The following CTSB variants were observed in gnomAD, a reference collection of about 807,000 sequenced individuals.
CTSB encodes the protein cathepsin B.
Under a neutral mutation model 44.3 loss-of-function variants are expected in CTSB, and 57 were observed. The ratio of observed to expected loss-of-function variants is 1.29; its 90% CI spans 1.04 to 1.60. The LOEUF (loss-of-function observed/expected upper bound fraction) is 1.60. CTSB is among the 40% of genes most tolerant of loss of function. The pLI, the probability that CTSB is intolerant of heterozygous loss-of-function variation, is 0.00. For synonymous variants in CTSB, 320 were observed against 168.0 expected, an observed-to-expected ratio of 1.91 and a Z score of -7.00; for missense variants, 768 against 443.0, an observed-to-expected ratio of 1.73 and a Z score of -6.59.
At chr8:11,855,246 G>A (rs1357284665) in intron 1 of CTSB, among the ~76,000 whole-genome samples, 4 of 152,148 alleles carry the variant, frequency 2.6e-5, no homozygotes, top group African/African-American at 4.8e-5. Context: ...GGTCTCGAAC[G>A]CCTGACCTCG....
intron 8 of CTSB, 137 bp from the exon 9 acceptor site, chr8:11,845,926 C>T (rs1438591482): frequency 2.0e-6 from 2 of 1,007,930 alleles, no homozygotes; most frequent in East Asian, 2.9e-5. Context: ...CCAGGAGGCT[C>T]CAGGGGGGGT....
intron 8 of CTSB, 80 bp downstream of exon 8, chr8:11,846,972 T>G (rs190852102): frequency 4.0e-5 from 31 of 774,778 alleles, no homozygotes; most frequent in Non-Finnish European, 7.1e-5. Context: ...TCCAGCCCTA[T>G]TGGTCAACAT....
intron 8 of CTSB, 48 bp downstream of exon 8, chr8:11,847,004 T>TCCCCACCCCCCC: frequency 1.1e-6 from 1 of 904,650 alleles, no homozygotes; most frequent in Non-Finnish European, 1.9e-6. Flanking sequence ...GCACCCAGGC[T>TCCCCACCCCCCC]CCCCTCCCGA....
chr8:11,854,312 A>G (rs926135877), intron 1 of CTSB, among the ~76,000 whole-genome samples: 5 of 151,686 alleles, frequency 3.3e-5, no homozygotes, highest in East Asian at 1.9e-4. Flanking sequence ...GAGGTGTTCT[A>G]CCTCCCACAG....
chr8:11,853,271 C>CAG, intron 2 of CTSB, 58 bp downstream of exon 2: 1 of 1,595,230 alleles, frequency 6.3e-7, no homozygotes, highest in Non-Finnish European at 8.6e-7. Flanking sequence ...TTCCTGGAGT[C>CAG]AGTGTGCACA....
At position 11,843,715 on chromosome 8, in the gene CTSB, C is replaced by G. The variant is rs566631646; in HGVS notation, c.*1410G>C. On this transcript the variant is annotated 3_prime_UTR_variant, in exon 10 of 10. Transcript: ENST00000353047. ...CCTGTTTTATGAGCTGAATCCTCAG[C>G]TTGTTGCTGGATTTGTGGCTGATAA... is the stretch of plus-strand genomic sequence containing the variant. 3.8e-4 allele frequency: 58 copies of G among 152,328 alleles called. No homozygotes were observed. Among genetic ancestry groups the G allele is most frequent in the African/African-American group, 1.3e-3 (56 of 41,570 alleles). 9.4% of individuals were successfully genotyped at this position (152,328 alleles called of 1,614,324 possible). A position where few individuals can be genotyped will look rare whatever the true frequency, so the allele number is the denominator to read the frequency against.
intron 1 of CTSB, among the ~76,000 whole-genome samples, chr8:11,860,025 T>A (rs1015028231): frequency 1.3e-5 from 2 of 151,492 alleles, no homozygotes; most frequent in Non-Finnish European, 2.9e-5. Flanking sequence ...TGAGCCAAGA[T>A]CACACCACTG....
At chr8:11,853,577 T>A in intron 1 of CTSB, 98 bp from the exon 2 acceptor site, 1 of 1,236,588 alleles carries the variant, frequency 8.1e-7, no homozygotes, top group Non-Finnish European at 1.1e-6. Context: ...GGGACCCCCA[T>A]GCTCGTCCTG....
At chr8:11,845,337 A>C (rs1392291543) in intron 9 of CTSB, 115 bp from the exon 10 acceptor site, 2 of 786,486 alleles carry the variant, frequency 2.5e-6, no homozygotes, top group South Asian at 1.6e-5. Context: ...CTGTTGGCCC[A>C]CTAGCACAGT....
chr8:11,863,880 G>A (rs955544331), intron 1 of CTSB, among the ~76,000 whole-genome samples: 9 of 152,112 alleles, frequency 5.9e-5, no homozygotes, highest in Admixed American at 5.9e-4. Flanking sequence ...CTAGCAAGAT[G>A]GAAGATGAAC....
At chr8:11,861,904 G>C (rs368452951) in intron 1 of CTSB, among the ~76,000 whole-genome samples, 2 of 152,348 alleles carry the variant, frequency 1.3e-5, no homozygotes, top group East Asian at 3.9e-4. Flanking sequence ...GCGAAGGCCA[G>C]CCACAGAAAG....
intron 1 of CTSB, among the ~76,000 whole-genome samples, chr8:11,866,048 TAAGA>T (rs1035541830): frequency 6.7e-5 from 10 of 149,012 alleles, no homozygotes; most frequent in African/African-American, 9.9e-5. Context: ...AAAAAGAAAT[TAAGA>T]AAGAAAAGAA....
chr8:11,856,455 T>C (rs781734226), intron 1 of CTSB, among the ~76,000 whole-genome samples: 1 of 151,436 alleles, frequency 6.6e-6, no homozygotes, highest in Non-Finnish European at 1.5e-5. Flanking sequence ...ATCTACTAAA[T>C]ACAAAAAATT....
At chr8:11,847,606 G>C (rs950411269) in intron 7 of CTSB, 73 bp downstream of exon 7, 14 of 1,468,890 alleles carry the variant, frequency 9.5e-6, no homozygotes, top group East Asian at 7.2e-5. Flanking sequence ...TGACCTCTTC[G>C]CTGCAGCGTG....
intron 1 of CTSB, 124 bp from the exon 2 acceptor site, chr8:11,853,603 T>C: frequency 1.0e-6 from 1 of 982,552 alleles, no homozygotes; most frequent in Non-Finnish European, 1.4e-6. Context: ...GGCGGAGAAC[T>C]CTTAAGGAGC....
In CTSB at chr8:11,845,823, G is replaced by A. The variant is rs200640071; in HGVS notation, c.794-34C>T. ...GGAAGAACTGGCTGAGACCGAGACC[G>A]GGCCACTGTCCCACGCCCCACAGCA... On this transcript the variant is annotated intron_variant, in intron 8 of 9. Coordinates refer to ENST00000353047, the MANE Select transcript of CTSB (RefSeq NM_001908.5). 473 of 1,587,538 alleles carry A rather than the reference G, an allele frequency of 3.0e-4. No homozygotes were observed. In the African/African-American group the frequency reaches 3.5e-3, roughly 12 times the overall value.
chr8:11,845,922 G>C lies in CTSB; in HGVS notation c.794-133C>G, dbSNP rs562312373. The C allele has an allele frequency of 2.0e-4, 213 of 1,046,360 alleles. No individual in the cohort carries two copies. In the African/African-American group the frequency reaches 3.1e-3, roughly 15 times the overall value. The allele number at this position is 1,046,360 out of a possible 1,614,324, so 64.8% of individuals were successfully genotyped here. A position where few individuals can be genotyped will look rare whatever the true frequency, so the allele number is the denominator to read the frequency against. On this transcript the variant is annotated intron_variant, in intron 8 of 9. Coordinates refer to ENST00000353047, the MANE Select transcript of CTSB (RefSeq NM_001908.5). ...GAGGGAACCTGCTGCTCCACCAGGA[G>C]GCTCCAGGGGGGGTCCCACAATACT...
rs1171031266 is a variant in CTSB at position 11,842,670 on chromosome 8, C to T, written c.*2455G>A. 1.3e-5 allele frequency: 2 copies of T among 151,880 alleles called. No individual in the cohort carries two copies. The highest frequency in any genetic ancestry group is 2.9e-5 in the Non-Finnish European group (2 of 67,960). 9.4% of individuals were successfully genotyped at this position (151,880 alleles called of 1,614,324 possible). On this transcript the variant is annotated 3_prime_UTR_variant, in exon 10 of 10. Transcript: ENST00000353047. ...TTTTTTGGTGAGACACAGATTCACT[C>T]TTGTCCCCCAGGCTGGAGTGCAATG...
Position 11,852,356 on chromosome 8 carries a change from G to A in CTSB, c.212+254C>T, listed in dbSNP as rs1348574831. ...ACTGCACTCCAGCCTGGGTGACAGAGTGAGACTCTCTCAAAAACCAAAAAA... is the reference window on the plus strand; with the variant it reads ...ACTGCACTCCAGCCTGGGTGACAGAATGAGACTCTCTCAAAAACCAAAAAA... On this transcript the variant is annotated intron_variant, in intron 3 of 9. Transcript: ENST00000353047. 3.3e-5 allele frequency among the ~76,000 whole-genome samples: 5 copies of A among 152,270 alleles called. No individual in the cohort carries two copies. In the East Asian group the frequency reaches 7.7e-4, roughly 24 times the overall value.
Sources: allele counts gnomAD v4.1 joint callset (sites outside exome capture counted in the v4.1 genomes callset), GRCh38; gene constraint gnomAD v4.1.1; transcripts MANE v1.5; gene names NCBI Gene and HGNC (gene_info 2026-07-23, HGNC 2026-07-21).